CEP68: variants seen among roughly 807,000 people sequenced by gnomAD.
The protein encoded by CEP68 is centrosomal protein 68, also known as centrosomal protein of 68 kDa.
In CEP68, 26 loss-of-function variants were observed where a neutral mutation model predicts 55.3. The ratio of observed to expected loss-of-function variants is 0.47; its 90% CI spans 0.34 to 0.65. The LOEUF is 0.65. Ranked by LOEUF, CEP68 falls within the 30% of genes least tolerant of loss-of-function variation. The pLI, the probability that CEP68 is intolerant of heterozygous loss-of-function variation, is 0.01. For synonymous variants in CEP68, 402 were observed against 383.2 expected, an observed-to-expected ratio of 1.05 and a Z score of -0.57; for missense variants, 957 against 946.7, an observed-to-expected ratio of 1.01 and a Z score of -0.14.
intron 4 of CEP68, among the ~76,000 whole-genome samples, chr2:65,075,769 G>A (rs1305028184): frequency 6.6e-6 from 1 of 152,186 alleles, no homozygotes; most frequent in Admixed American, 6.5e-5. Flanking sequence ...CCTGAGGCTA[G>A]TCTGGAAGGA....
At chr2:65,081,172 G>A (rs1185293108) in intron 5 of CEP68, among the ~76,000 whole-genome samples, 7 of 149,684 alleles carry the variant, frequency 4.7e-5, no homozygotes, top group African/African-American at 1.2e-4. Flanking sequence ...GATTTGTGCC[G>A]CTGCACTCCA....
rs1266709117 is a variant in CEP68 at position 65,084,925 on chromosome 2, C to G, written c.*1291C>G. ...CCATATTAATCATCTTAGTTCCATA[C>G]ACACTGAGACTTTAAAAGGGAAAAA... On this transcript the variant is annotated 3_prime_UTR_variant, in exon 7 of 7. Coordinates refer to ENST00000377990, the MANE Select transcript of CEP68 (RefSeq NM_015147.3). The G allele has an allele frequency of 2.0e-5, 3 of 152,172 alleles. No individual in the cohort carries two copies. Among genetic ancestry groups the G allele is most frequent in the Non-Finnish European group, 2.9e-5 (2 of 68,026 alleles). The allele number at this position is 152,172 out of a possible 1,614,324, so 9.4% of individuals were successfully genotyped here. A position where few individuals can be genotyped will look rare whatever the true frequency, so the allele number is the denominator to read the frequency against.
chr2:65,081,146 G>A (rs1573050843), intron 5 of CEP68, among the ~76,000 whole-genome samples: 1 of 151,904 alleles, frequency 6.6e-6, no homozygotes, highest in Admixed American at 6.6e-5. Flanking sequence ...GGGAGGCGGA[G>A]GTTTTAGTGA....
rs1349525984 is a variant in CEP68 at position 65,072,382 on chromosome 2, A to G, written c.1286A>G (p.Lys429Arg). 1.9e-6 allele frequency: 3 copies of G among 1,613,964 alleles called. No individual in the cohort carries two copies. The highest frequency in any genetic ancestry group is 1.7e-6 in the Non-Finnish European group (2 of 1,180,030). ...RGAKDRLTIG[K>R]HLDMGSPQLR... The stretch of plus-strand genomic sequence containing the variant: ...GCGAAGGACCGGCTGACTATAGGCA[A>G]GCACCTTGATATGGGCTCTCCCCAG... Residue 429 changes from lysine to arginine, a missense_variant, in exon 3 of 7, where the codon AAG (lysine) becomes AGG (arginine). Coordinates refer to ENST00000377990, the MANE Select transcript of CEP68 (RefSeq NM_015147.3).
chr2:65,060,848 G>C (rs971353818), intron 1 of CEP68, among the ~76,000 whole-genome samples: 1 of 152,154 alleles, frequency 6.6e-6, no homozygotes, highest in Non-Finnish European at 1.5e-5. Context: ...CTGGGACTCA[G>C]TCAAGCTCCT....
At chr2:65,080,193 TTAA>T (rs1295506411) in intron 5 of CEP68, 2 of 972,242 alleles carry the variant, frequency 2.1e-6, no homozygotes, top group Middle Eastern at 5.2e-4. Flanking sequence ...TAAAATCAAT[TTAA>T]TAATACTTTT....
chr2:65,076,758 A>ACTAT (rs1192295515), intron 4 of CEP68, among the ~76,000 whole-genome samples: 1 of 152,094 alleles, frequency 6.6e-6, no homozygotes, highest in African/African-American at 2.4e-5. Flanking sequence ...CAAGGGTAAA[A>ACTAT]CTATCACTTC....
Position 65,069,291 on chromosome 2 carries a change from C to CT in CEP68, c.-46-102dup. 4.6e-6 allele frequency: 3 copies of CT among 647,386 alleles called. No individual in the cohort carries two copies. In the South Asian group the frequency reaches 1.0e-4, roughly 23 times the overall value. 40.1% of individuals were successfully genotyped at this position (647,386 alleles called of 1,614,324 possible). A position where few individuals can be genotyped will look rare whatever the true frequency, so the allele number is the denominator to read the frequency against. On this transcript the variant is annotated intron_variant, in intron 1 of 6. Transcript: ENST00000377990. The stretch of plus-strand genomic sequence containing the variant: ...TGAGGAAGTAGTCACCATTTGTTTC[C>CT]TTTTTTCTTTGACCAAAAATATGTT...
intron 1 of CEP68, among the ~76,000 whole-genome samples, chr2:65,057,165 G>A (rs577744477): frequency 6.6e-6 from 1 of 152,382 alleles, no homozygotes; most frequent in South Asian, 2.1e-4. Context: ...TTGATGATTA[G>A]TAGGTTGGGT....
intron 6 of CEP68, among the ~76,000 whole-genome samples, chr2:65,083,274 C>A (rs1264075210): frequency 1.3e-5 from 2 of 152,306 alleles, no homozygotes; most frequent in African/African-American, 4.8e-5. Context: ...TTAAAGACAC[C>A]TTGGAGACTT....
chr2:65,084,849 T>TAAGG lies in CEP68; in HGVS notation c.*1215_*1216insAAGG, dbSNP rs2103810028. ...GTGCCTGATGCTGCTGTGGTATGCT[T>TAAGG]TATCATAATGCTTAAGGGCATGATC... is the stretch of plus-strand genomic sequence containing the variant. On this transcript the variant is annotated 3_prime_UTR_variant, in exon 7 of 7. Coordinates refer to ENST00000377990, the MANE Select transcript of CEP68 (RefSeq NM_015147.3). 6.6e-6 allele frequency: 1 copy of TAAGG among 152,314 alleles called. No homozygotes were observed. The highest frequency in any genetic ancestry group is 1.5e-5 in the Non-Finnish European group (1 of 68,018). 9.4% of individuals were successfully genotyped at this position (152,314 alleles called of 1,614,324 possible). A position where few individuals can be genotyped will look rare whatever the true frequency, so the allele number is the denominator to read the frequency against.
Position 65,072,083 on chromosome 2 carries a change from G to A in CEP68, c.987G>A (p.Leu329=). The A allele has an allele frequency of 6.2e-7, 1 of 1,614,002 alleles. No individual in the cohort carries two copies. The highest frequency in any genetic ancestry group is 8.5e-7 in the Non-Finnish European group (1 of 1,179,996). ...LDSRVPADPV[L]QDSGVDLDSF... ...GCCGTGTGCCAGCTGACCCTGTCCTGCAGGACTCCGGGGTAGACCTGGATA... is the reference window on the plus strand; with the variant it reads ...GCCGTGTGCCAGCTGACCCTGTCCTACAGGACTCCGGGGTAGACCTGGATA... Residue 329 remains leucine (L), a synonymous_variant, in exon 3 of 7, where the codon CTG becomes CTA. Coordinates refer to ENST00000377990, the MANE Select transcript of CEP68 (RefSeq NM_015147.3).
At chr2:65,076,830 T>G (rs958246986) in intron 4 of CEP68, among the ~76,000 whole-genome samples, 1 of 151,984 alleles carries the variant, frequency 6.6e-6, no homozygotes, top group Non-Finnish European at 1.5e-5. Flanking sequence ...TCCCAGTACT[T>G]TGGGAGCCTG....
chr2:65,069,691 G>A lies in CEP68; in HGVS notation c.247G>A (p.Ala83Thr), dbSNP rs1315027811. 2 of 1,613,994 alleles carry A rather than the reference G, an allele frequency of 1.2e-6. No individual in the cohort carries two copies. The highest frequency in any genetic ancestry group is 1.3e-5 in the African/African-American group (1 of 74,926). Residue 83 changes from alanine to threonine, a missense_variant, in exon 2 of 7, where the codon GCC (alanine) becomes ACC (threonine). Coordinates refer to ENST00000377990, the MANE Select transcript of CEP68 (RefSeq NM_015147.3). ...GGPSRAHQPQ[A>T]SDANREPVAE... is the part of the protein sequence containing the mutation. ...CCCCTCTAGAGCCCACCAGCCACAG[G>A]CCAGTGATGCCAACAGAGAGCCCGT...
chr2:65,078,421 T>C (rs1182752489), intron 5 of CEP68, among the ~76,000 whole-genome samples: 1 of 152,156 alleles, frequency 6.6e-6, no homozygotes, highest in Non-Finnish European at 1.5e-5. Context: ...AGAAAAGGAT[T>C]GTATTGCTCA....
Position 65,069,433 on chromosome 2 carries a change from T to C in CEP68, c.-12T>C, listed in dbSNP as rs1184227179. ...GTCTTCAGCAGAACCCTGACCTAGG[T>C]AGGGAGTCTCAATGGCCCTGGGTGA... On this transcript the variant is annotated 5_prime_UTR_variant, in exon 2 of 7. Transcript: ENST00000377990. 9 of 1,501,868 alleles carry C rather than the reference T, an allele frequency of 6.0e-6. No individual in the cohort carries two copies. The highest frequency in any genetic ancestry group is 6.2e-6 in the Non-Finnish European group (7 of 1,123,530). The allele number at this position is 1,501,868 out of a possible 1,614,324, so 93.0% of individuals were successfully genotyped here. A position where few individuals can be genotyped will look rare whatever the true frequency, so the allele number is the denominator to read the frequency against.
intron 1 of CEP68, among the ~76,000 whole-genome samples, chr2:65,057,834 T>A (rs1675712410): frequency 6.6e-6 from 1 of 152,130 alleles, no homozygotes; most frequent in Non-Finnish European, 1.5e-5. Context: ...ATTTTTTTTT[T>A]AATGGTGATG....
At chr2:65,064,530 C>T (rs577401202) in intron 1 of CEP68, among the ~76,000 whole-genome samples, 10 of 151,994 alleles carry the variant, frequency 6.6e-5, no homozygotes, top group Non-Finnish European at 1.0e-4. Context: ...GTCAGGAGAT[C>T]GAGACCATCC....
chr2:65,064,192 C>T (rs1676042870), intron 1 of CEP68, among the ~76,000 whole-genome samples: 2 of 152,142 alleles, frequency 1.3e-5, no homozygotes, highest in Admixed American at 6.5e-5. Flanking sequence ...TTGTAAGTTA[C>T]TTAGGGATGT....
Sources: allele counts gnomAD v4.1 joint callset (sites outside exome capture counted in the v4.1 genomes callset), GRCh38; gene constraint gnomAD v4.1.1; transcripts MANE v1.5; gene names NCBI Gene and HGNC (gene_info 2026-07-23, HGNC 2026-07-21).